The following SNX13 variants were observed in gnomAD, a reference collection of about 807,000 sequenced individuals.
SNX13 encodes sorting nexin-13.
SNX13 carries 45 observed loss-of-function variants against 133.6 expected under a neutral mutation model. That is an observed-to-expected ratio of 0.34 (90% CI 0.27 to 0.43). The LOEUF (loss-of-function observed/expected upper bound fraction) is 0.43, where lower values mean the gene tolerates loss of function less well. Ranked by LOEUF, SNX13 falls within the 20% of genes least tolerant of loss-of-function variation. The pLI is 1.00. For synonymous variants in SNX13, 414 were observed against 373.9 expected (o/e 1.11, Z -1.24); for missense variants, 1,032 against 1,145.1 (o/e 0.90, Z 1.43).
intron 5 of SNX13, among the ~76,000 whole-genome samples, chr7:17,886,873 G>A (rs774070428): frequency 1.2e-4 from 18 of 151,012 alleles, no homozygotes; most frequent in Admixed American, 2.0e-4. Flanking sequence ...TCACTCTATC[G>A]CTACATGACA....
chr7:17,864,994 A>AT (rs1480930169), intron 9 of SNX13, among the ~76,000 whole-genome samples: 1 of 152,194 alleles, frequency 6.6e-6, no homozygotes, highest in African/African-American at 2.4e-5. Context: ...CCTAAAATAT[A>AT]TCCTGCAAAT....
chr7:17,880,285 T>C (rs987173382), intron 5 of SNX13: 3 of 152,226 alleles, frequency 2.0e-5, no homozygotes, highest in African/African-American at 7.2e-5. Flanking sequence ...TTTCGCTCAC[T>C]TAATTCAATT....
chr7:17,818,993 T>C (rs1341815907), intron 18 of SNX13, among the ~76,000 whole-genome samples: 2 of 152,198 alleles, frequency 1.3e-5, no homozygotes, highest in Non-Finnish European at 2.9e-5. Context: ...CTACAAGCTC[T>C]TAGAGGCAAG....
intron 12 of SNX13, among the ~76,000 whole-genome samples, chr7:17,843,493 C>T (rs1282300481): frequency 6.6e-6 from 1 of 151,876 alleles, no homozygotes; most frequent in Non-Finnish European, 1.5e-5. Flanking sequence ...TTGGAGATTT[C>T]GATGCCCCAC....
intron 14 of SNX13, 97 bp from the exon 15 acceptor site, chr7:17,834,281 A>G (rs1303894058): frequency 1.9e-6 from 2 of 1,044,436 alleles, no homozygotes; most frequent in Non-Finnish European, 2.6e-6. Context: ...AGGTCTTGCC[A>G]TAATGTATCA....
chr7:17,897,520 T>A, intron 1 of SNX13, 74 bp from the exon 2 acceptor site: 2 of 777,074 alleles, frequency 2.6e-6, no homozygotes, highest in Non-Finnish European at 3.9e-6. Flanking sequence ...CAACAAAACT[T>A]TTACATAGTT....
At chr7:17,852,435 T>C (rs1421391766) in intron 9 of SNX13, among the ~76,000 whole-genome samples, 3 of 152,020 alleles carry the variant, frequency 2.0e-5, no homozygotes, top group Admixed American at 1.3e-4. Context: ...GGATAAACTG[T>C]GTCAAGCATT....
chr7:17,903,700 ATC>A (rs1798095120), intron 1 of SNX13, among the ~76,000 whole-genome samples: 1 of 152,176 alleles, frequency 6.6e-6, no homozygotes, highest in African/African-American at 2.4e-5. Context: ...TACTAAACAA[ATC>A]TTGACTCTTT....
chr7:17,793,994 C>G lies in SNX13; in HGVS notation c.*51G>C. ...TTGAGTTAAGCCCCAGAAGATCTGT[C>G]CATACCATTAGTCCTGGACAAAATG... On this transcript the variant is annotated 3_prime_UTR_variant, in exon 26 of 26. Coordinates refer to ENST00000428135, the MANE Select transcript of SNX13 (RefSeq NM_015132.5). 8 of 1,589,632 alleles carry G rather than the reference C, an allele frequency of 5.0e-6. No individual in the cohort carries two copies. Among genetic ancestry groups the G allele is most frequent in the Non-Finnish European group, 6.9e-6 (8 of 1,167,122 alleles).
At chr7:17,870,276 T>C (rs776953281) in intron 8 of SNX13, among the ~76,000 whole-genome samples, 60 of 152,180 alleles carry the variant, frequency 3.9e-4, no homozygotes, top group Admixed American at 1.4e-3. Flanking sequence ...TCTCAAATAC[T>C]GTGACTTACA....
At chr7:17,834,591 G>T (rs536477480) in intron 14 of SNX13, among the ~76,000 whole-genome samples, 170 bp downstream of exon 14, 1 of 151,696 alleles carries the variant, frequency 6.6e-6, no homozygotes, top group Admixed American at 6.6e-5. Flanking sequence ...GAAAATTAAC[G>T]AAATAAACAA....
At chr7:17,815,370 G>C (rs1786543455) in intron 19 of SNX13, among the ~76,000 whole-genome samples, 1 of 152,084 alleles carries the variant, frequency 6.6e-6, no homozygotes, top group Non-Finnish European at 1.5e-5. Flanking sequence ...AATTGCCCCA[G>C]CCAGGAATAC....
At chr7:17,842,351 A>G (rs971985941) in intron 12 of SNX13, among the ~76,000 whole-genome samples, 2 of 152,078 alleles carry the variant, frequency 1.3e-5, no homozygotes, top group Non-Finnish European at 2.9e-5. Context: ...CCAAGTTCCT[A>G]TATCTGGCAA....
chr7:17,922,567 ATT>A (rs1052868939), intron 1 of SNX13, among the ~76,000 whole-genome samples: 1 of 152,060 alleles, frequency 6.6e-6, no homozygotes, highest in African/African-American at 2.4e-5. Context: ...CTAAATCGAG[ATT>A]TTTTTCTTCA....
At chr7:17,834,928 G>C (rs144058286) in intron 13 of SNX13, 63 bp from the exon 14 acceptor site, 4 of 949,116 alleles carry the variant, frequency 4.2e-6, no homozygotes, top group Non-Finnish European at 6.4e-6. Flanking sequence ...ATACTTGATA[G>C]TATGATAATA....
At chr7:17,852,676 CTTT>C (rs1023856209) in intron 9 of SNX13, among the ~76,000 whole-genome samples, 1 of 152,028 alleles carries the variant, frequency 6.6e-6, no homozygotes, top group African/African-American at 2.4e-5. Flanking sequence ...CTTTCATCTT[CTTT>C]TTAAGATGAG....
Position 17,926,739 on chromosome 7 carries a change from A to G in SNX13, c.12+13545T>C, listed in dbSNP as rs538155598. On this transcript the variant is annotated intron_variant, in intron 1 of 25. Coordinates refer to ENST00000428135, the MANE Select transcript of SNX13 (RefSeq NM_015132.5). Reference sequence around the variant, plus strand: ...CCATTTCTACAAAAATACAAAAATCAGCTGGGCATGGTGGCACGTGCCTGT... The same window carrying G: ...CCATTTCTACAAAAATACAAAAATCGGCTGGGCATGGTGGCACGTGCCTGT... Among the ~76,000 whole-genome samples, 213 of 152,236 alleles carry G rather than the reference A, an allele frequency of 1.4e-3. 4 individuals carry two copies. Among genetic ancestry groups the G allele is most frequent in the South Asian group, 1.0e-3 (5 of 4,820 alleles).
chr7:17,855,095 G>A (rs1385545616), intron 9 of SNX13, among the ~76,000 whole-genome samples: 1 of 152,202 alleles, frequency 6.6e-6, no homozygotes, highest in Non-Finnish European at 1.5e-5. Flanking sequence ...AGTGGTAAAG[G>A]ACAGAAAATC....
At chr7:17,828,384 G>GT (rs896635478) in intron 16 of SNX13, among the ~76,000 whole-genome samples, 2 of 151,680 alleles carry the variant, frequency 1.3e-5, no homozygotes, top group African/African-American at 2.4e-5. Flanking sequence ...GTAAGAAAGT[G>GT]TTTTTTAACA....
Sources: gnomAD v4.1 joint callset for allele counts (sites outside exome capture counted in the v4.1 genomes callset) on GRCh38, gnomAD v4.1.1 for gene constraint, MANE v1.5 for transcripts, NCBI Gene and HGNC (gene_info 2026-07-23, HGNC 2026-07-21) for gene names.